Variants in RPH3A observed in about 807,000 individuals in gnomAD.
The protein encoded by RPH3A is rabphilin-3A.
A neutral mutation model predicts 102.2 loss-of-function variants in RPH3A; 48 were observed. That is an observed-to-expected ratio of 0.47 (90% CI 0.37 to 0.60). The LOEUF is 0.60. Among genes scored for constraint, RPH3A ranks in the 20% least tolerant of loss-of-function variants. The pLI, the probability that RPH3A is intolerant of heterozygous loss-of-function variation, is 0.00. For missense variants in RPH3A, 781 were observed against 910.1 expected, an observed-to-expected ratio of 0.86 and a Z score of 1.83; for synonymous variants, 310 against 324.3, an observed-to-expected ratio of 0.96 and a Z score of 0.47.
chr12:112,692,342 G>A (rs2040312408), intron 1 of RPH3A, among the ~76,000 whole-genome samples: 1 of 152,164 alleles, frequency 6.6e-6, no homozygotes. Flanking sequence ...CAACATAAAT[G>A]ATAAATCTTT....
chr12:112,873,149 A>G (rs1473462266), intron 10 of RPH3A, among the ~76,000 whole-genome samples: 1 of 152,230 alleles, frequency 6.6e-6, no homozygotes, highest in Non-Finnish European at 1.5e-5. Flanking sequence ...AATAATCATA[A>G]TAACAACTTA....
chr12:112,589,161 G>A (rs565361686), intron 1 of RPH3A, among the ~76,000 whole-genome samples: 1 of 151,800 alleles, frequency 6.6e-6, no homozygotes, highest in African/African-American at 2.4e-5. Flanking sequence ...GAGGCTGGAG[G>A]GGGAAGTGGG....
chr12:112,822,888 C>A (rs1244876980), intron 2 of RPH3A, among the ~76,000 whole-genome samples: 2 of 152,184 alleles, frequency 1.3e-5, no homozygotes, highest in African/African-American at 4.8e-5. Flanking sequence ...GTTGTTGTTG[C>A]TTCTTTTGTT....
chr12:112,675,503 TAA>T (rs1223961514), intron 1 of RPH3A, among the ~76,000 whole-genome samples: 1 of 152,210 alleles, frequency 6.6e-6, no homozygotes, highest in East Asian at 1.9e-4. Context: ...AACTGAGACA[TAA>T]GAGGCTTAAA....
Position 112,590,780 on chromosome 12 carries a change from C to T in RPH3A, c.-140+15461C>T, listed in dbSNP as rs181905128. Reference sequence around the variant, plus strand: ...CTAAAACTAATCCCAGGTAGCAACACTTAGGTGATACTGAGGAGCACCTTT... The same window carrying T: ...CTAAAACTAATCCCAGGTAGCAACATTTAGGTGATACTGAGGAGCACCTTT... On this transcript the variant is annotated intron_variant, in intron 1 of 21. Transcript: ENST00000543106. Among the ~76,000 whole-genome samples, 354 of 152,300 alleles carry T rather than the reference C, an allele frequency of 2.3e-3. 2 individuals carry two copies. Among genetic ancestry groups the T allele is most frequent in the African/African-American group, 8.3e-3 (344 of 41,554 alleles).
At chr12:112,684,870 G>A (rs2040252254) in intron 1 of RPH3A, among the ~76,000 whole-genome samples, 1 of 152,210 alleles carries the variant, frequency 6.6e-6, no homozygotes, top group South Asian at 2.1e-4. Context: ...GGTGCCAGCA[G>A]ATTCAATGTC....
intron 2 of RPH3A, among the ~76,000 whole-genome samples, chr12:112,828,091 C>G (rs938867483): frequency 6.6e-6 from 1 of 152,114 alleles, no homozygotes; most frequent in African/African-American, 2.4e-5. Context: ...GTTCTTCCCT[C>G]TGGTGCATTT....
intron 16 of RPH3A, among the ~76,000 whole-genome samples, chr12:112,885,879 C>A (rs925638726): frequency 6.6e-6 from 1 of 152,012 alleles, no homozygotes; most frequent in Admixed American, 6.5e-5. Flanking sequence ...ATTTTTTGGA[C>A]CCATTGTAGT....
At chr12:112,853,497 C>T (rs887240203) in intron 5 of RPH3A, among the ~76,000 whole-genome samples, 4 of 152,118 alleles carry the variant, frequency 2.6e-5, no homozygotes, top group Admixed American at 2.0e-4. Flanking sequence ...TTTCCAATGT[C>T]CAGCTAGCCC....
chr12:112,665,073 G>T (rs73417166), intron 1 of RPH3A, among the ~76,000 whole-genome samples: 3,564 of 152,178 alleles, frequency 0.023, 144 homozygotes, highest in African/African-American at 0.08. Context: ...GCCCACAGAG[G>T]TAACCAGCTC....
intron 2 of RPH3A, among the ~76,000 whole-genome samples, chr12:112,818,780 G>C (rs760901319): frequency 1.3e-5 from 2 of 152,044 alleles, no homozygotes; most frequent in Admixed American, 1.3e-4. Flanking sequence ...CCAACAAAAG[G>C]CTATCCAGAT....
At chr12:112,705,217 A>C (rs548307026) in intron 1 of RPH3A, among the ~76,000 whole-genome samples, 92 of 152,316 alleles carry the variant, frequency 6.0e-4, no homozygotes, top group African/African-American at 2.1e-3. Context: ...CAGAGATTGC[A>C]TGTGTCCTTT....
chr12:112,753,572 A>T (rs1024528917), intron 1 of RPH3A, among the ~76,000 whole-genome samples: 1 of 152,118 alleles, frequency 6.6e-6, no homozygotes, highest in Non-Finnish European at 1.5e-5. Context: ...TCTGGTGAAA[A>T]ATAAAGTATT....
At chr12:112,892,759 A>G (rs1032404951) in intron 19 of RPH3A, 5 of 152,180 alleles carry the variant, frequency 3.3e-5, no homozygotes, top group Non-Finnish European at 5.9e-5. Flanking sequence ...AATAACCACC[A>G]TCACTGTCCT....
At chr12:112,669,059 A>C (rs2040106965) in intron 1 of RPH3A, among the ~76,000 whole-genome samples, 1 of 152,196 alleles carries the variant, frequency 6.6e-6, no homozygotes, top group African/African-American at 2.4e-5. Flanking sequence ...ACAGCAATAC[A>C]TCAATGATAA....
chr12:112,756,270 A>G (rs562025582), intron 1 of RPH3A, among the ~76,000 whole-genome samples: 6 of 152,070 alleles, frequency 3.9e-5, no homozygotes, highest in African/African-American at 1.2e-4. Flanking sequence ...CTGGAGTACA[A>G]TGGTGTAATC....
intron 1 of RPH3A, among the ~76,000 whole-genome samples, chr12:112,595,703 T>C (rs187333016): frequency 6.6e-6 from 1 of 152,282 alleles, no homozygotes; most frequent in East Asian, 1.9e-4. Flanking sequence ...TTTTCCCTGC[T>C]CTTCTCAGAA....
At chr12:112,856,461 G>A (rs1350366990) in intron 5 of RPH3A, among the ~76,000 whole-genome samples, 2 of 149,668 alleles carry the variant, frequency 1.3e-5, no homozygotes, top group Non-Finnish European at 3.0e-5. Context: ...ATTCTTGCAT[G>A]TAGGTTCTGA....
At chr12:112,627,813 A>G (rs2039776809) in intron 1 of RPH3A, among the ~76,000 whole-genome samples, 2 of 152,200 alleles carry the variant, frequency 1.3e-5, no homozygotes, top group South Asian at 2.1e-4. Context: ...TCACATTACT[A>G]TAAAGAACTA....
Sources: allele counts gnomAD v4.1 joint callset (sites outside exome capture counted in the v4.1 genomes callset), GRCh38; gene constraint gnomAD v4.1.1; transcripts MANE v1.5; gene names NCBI Gene and HGNC (gene_info 2026-07-23, HGNC 2026-07-21).